The following ZNF804B variants were observed in gnomAD, a reference collection of about 807,000 sequenced individuals.
The protein encoded by ZNF804B is zinc finger protein 804B.
ZNF804B carries 80 observed loss-of-function variants against 101.4 expected under a neutral mutation model. The observed-to-expected ratio is 0.79, with a 90% CI of 0.66 to 0.95. The LOEUF (loss-of-function observed/expected upper bound fraction) is 0.95. Among genes scored for constraint, ZNF804B ranks in the 40% least tolerant of loss-of-function variants. The pLI is 0.00. For missense variants in ZNF804B, 1,673 were observed against 1,561.9 expected, an observed-to-expected ratio of 1.07 and a Z score of -1.20; for synonymous variants, 622 against 558.8, an observed-to-expected ratio of 1.11 and a Z score of -1.59.
intron 1 of ZNF804B, among the ~76,000 whole-genome samples, chr7:88,988,392 G>T (rs1434530799): frequency 6.6e-6 from 1 of 152,094 alleles, no homozygotes; most frequent in Non-Finnish European, 1.5e-5. Context: ...AGAGAGAGAT[G>T]TGCTGCTCTA....
At chr7:89,289,234 A>T (rs565963796) in intron 2 of ZNF804B, among the ~76,000 whole-genome samples, 1 of 152,264 alleles carries the variant, frequency 6.6e-6, no homozygotes, top group South Asian at 2.1e-4. Flanking sequence ...ACTCAACTGC[A>T]GTTGTCGTTA....
intron 1 of ZNF804B, among the ~76,000 whole-genome samples, chr7:89,042,829 A>AT (rs1441790831): frequency 6.6e-6 from 1 of 152,224 alleles, no homozygotes; most frequent in Non-Finnish European, 1.5e-5. Context: ...AGTTCAAAAC[A>AT]TTTTTTTCAT....
At chr7:89,058,921 T>A (rs1789335205) in intron 1 of ZNF804B, among the ~76,000 whole-genome samples, 1 of 150,664 alleles carries the variant, frequency 6.6e-6, no homozygotes, top group South Asian at 2.1e-4. Context: ...CTCTAACTCC[T>A]GCGTTCAAGT....
intron 2 of ZNF804B, among the ~76,000 whole-genome samples, chr7:89,233,613 A>G (rs1584073550): frequency 6.6e-6 from 1 of 151,880 alleles, no homozygotes; most frequent in Admixed American, 6.5e-5. Flanking sequence ...CTGGAGGAAC[A>G]CTGAAAAAGA....
intron 1 of ZNF804B, among the ~76,000 whole-genome samples, chr7:88,886,212 G>A (rs1792123258): frequency 6.6e-6 from 1 of 152,072 alleles, no homozygotes; most frequent in Admixed American, 6.6e-5. Flanking sequence ...TGTGGTGATG[G>A]TAGATGGATT....
At chr7:89,157,143 A>G (rs1232028253) in intron 1 of ZNF804B, among the ~76,000 whole-genome samples, 1 of 152,202 alleles carries the variant, frequency 6.6e-6, no homozygotes, top group Non-Finnish European at 1.5e-5. Flanking sequence ...TGCTTAAAAC[A>G]AATGCCTAGG....
chr7:88,913,959 A>G (rs1792592010), intron 1 of ZNF804B, among the ~76,000 whole-genome samples: 1 of 152,318 alleles, frequency 6.6e-6, no homozygotes, highest in Admixed American at 6.5e-5. Flanking sequence ...CAAAGTTGCC[A>G]TGGGAAACTT....
At chr7:89,214,794 T>C (rs9640584) in intron 1 of ZNF804B, among the ~76,000 whole-genome samples, 89,540 of 151,944 alleles carry the variant, frequency 0.59, 26,886 homozygotes, top group African/African-American at 0.63. Flanking sequence ...CAGTAAGAAA[T>C]TGACATTTAG....
chr7:89,219,615 A>T (rs1788949844), intron 2 of ZNF804B, among the ~76,000 whole-genome samples: 1 of 151,516 alleles, frequency 6.6e-6, no homozygotes, highest in Non-Finnish European at 1.5e-5. Flanking sequence ...GATACTGGCA[A>T]TTTAGGAATG....
intron 1 of ZNF804B, among the ~76,000 whole-genome samples, chr7:88,764,910 A>G (rs1041055363): frequency 3.9e-5 from 6 of 152,158 alleles, no homozygotes; most frequent in African/African-American, 1.2e-4. Flanking sequence ...AATAAAGACG[A>G]CTTAGTTACA....
intron 2 of ZNF804B, among the ~76,000 whole-genome samples, chr7:89,243,725 A>G (rs1789405052): frequency 6.6e-6 from 1 of 151,862 alleles, no homozygotes; most frequent in African/African-American, 2.4e-5. Flanking sequence ...GTTAAGATAA[A>G]GAAGGGGGAA....
chr7:88,870,169 G>A (rs1583987179), intron 1 of ZNF804B, among the ~76,000 whole-genome samples: 1 of 151,022 alleles, frequency 6.6e-6, no homozygotes, highest in Admixed American at 6.6e-5. Flanking sequence ...GGCGGATCAC[G>A]AGGTCAGGAG....
chr7:89,123,182 T>C (rs1263868688), intron 1 of ZNF804B, among the ~76,000 whole-genome samples: 3 of 149,884 alleles, frequency 2.0e-5, no homozygotes, highest in Non-Finnish European at 4.4e-5. Flanking sequence ...AATGTAGAGA[T>C]CACTAAGCAA....
chr7:88,843,851 T>G (rs1291443838), intron 1 of ZNF804B, among the ~76,000 whole-genome samples: 1 of 152,174 alleles, frequency 6.6e-6, no homozygotes, highest in Non-Finnish European at 1.5e-5. Context: ...TTTAAAAACA[T>G]TTTATGCAAA....
chr7:88,854,978 CCACA>C, intron 1 of ZNF804B, among the ~76,000 whole-genome samples: 1 of 151,866 alleles, frequency 6.6e-6, no homozygotes, highest in Non-Finnish European at 1.5e-5. Context: ...TGTATATGTG[CCACA>C]TTTTCTTAAT....
chr7:89,101,307 T>A (rs924508748), intron 1 of ZNF804B, among the ~76,000 whole-genome samples: 7 of 152,016 alleles, frequency 4.6e-5, no homozygotes, highest in Admixed American at 6.6e-5. Flanking sequence ...AACAGAAGTA[T>A]CAGAAGTGAA....
intron 1 of ZNF804B, among the ~76,000 whole-genome samples, chr7:89,108,452 A>T (rs1448122950): frequency 6.6e-6 from 1 of 152,106 alleles, no homozygotes; most frequent in Non-Finnish European, 1.5e-5. Flanking sequence ...TACTTTTTAT[A>T]TTATAGAATA....
intron 1 of ZNF804B, among the ~76,000 whole-genome samples, chr7:88,793,862 C>A (rs1417410314): frequency 6.6e-6 from 1 of 151,996 alleles, no homozygotes; most frequent in Non-Finnish European, 1.5e-5. Context: ...GGATGATAAT[C>A]TGAATTCCGT....
intron 1 of ZNF804B, among the ~76,000 whole-genome samples, chr7:89,115,896 G>GT (rs1211357552): frequency 2.0e-4 from 11 of 55,688 alleles, no homozygotes; most frequent in African/African-American, 9.6e-4. Flanking sequence ...AGGTCAACAG[G>GT]TTTTTTTGTT....
Sources: allele counts gnomAD v4.1 joint callset (sites outside exome capture counted in the v4.1 genomes callset), GRCh38; gene constraint gnomAD v4.1.1; transcripts MANE v1.5; gene names NCBI Gene and HGNC (gene_info 2026-07-23, HGNC 2026-07-21).